Variants in STX4 observed in about 807,000 individuals in gnomAD.
STX4 encodes syntaxin 4.
A neutral mutation model predicts 41.8 loss-of-function variants in STX4; 24 were observed. The ratio of observed to expected loss-of-function variants is 0.57; its 90% confidence interval spans 0.42 to 0.81. The LOEUF (loss-of-function observed/expected upper bound fraction) is 0.81. STX4 is among the 30% of genes least tolerant of loss of function. The probability of loss-of-function intolerance (pLI) is 0.00; values close to 1 mark genes in which losing one functional copy is unlikely to be tolerated. For missense variants in STX4, 316 were observed against 389.9 expected (o/e 0.81, Z 1.60); for synonymous variants, 158 against 156.4 (o/e 1.01, Z -0.08).
chr16:31,034,191 A>T, intron 2 of STX4, 35 bp from the exon 3 acceptor site: 2 of 1,613,864 alleles, frequency 1.2e-6, no homozygotes, highest in Non-Finnish European at 1.7e-6. Flanking sequence ...GGAGTACCCC[A>T]TATCTCTTTC....
chr16:31,034,853 AAAAT>A, intron 4 of STX4, 113 bp from the exon 5 acceptor site: 1 of 996,998 alleles, frequency 1.0e-6, no homozygotes, highest in Non-Finnish European at 1.5e-6. Context: ...AATGCAAAGA[AAAAT>A]AAACTTACTT....
chr16:31,035,016 C>T lies in STX4; in HGVS notation c.354C>T (p.Val118=), dbSNP rs766184941. The change falls in exon 5 of 11, where the codon GTC becomes GTT. Residue 118 remains valine (V), a synonymous_variant. Coordinates refer to ENST00000313843, the MANE Select transcript of STX4 (RefSeq NM_004604.5). ...KEEADENYNS[V]NTRMRKTQHG... is the part of the protein sequence containing the mutation. ...AAGCTGATGAGAACTATAACTCCGT[C>T]AACACAAGAATGAGAAAAACCCAGG... 1.2e-6 allele frequency: 2 copies of T among 1,610,620 alleles called. No homozygotes were observed. Among genetic ancestry groups the T allele is most frequent in the South Asian group, 1.1e-5 (1 of 90,138 alleles).
At chr16:31,037,106 C>T (rs1398743521) in intron 5 of STX4, among the ~76,000 whole-genome samples, 4 of 143,494 alleles carry the variant, frequency 2.8e-5, no homozygotes, top group Non-Finnish European at 6.1e-5. Context: ...CTCTGTTGCC[C>T]AGGCTGGAGT....
Position 31,034,340 on chromosome 16 carries a change from G to C in STX4, c.232+15G>C. On this transcript the variant is annotated intron_variant, in intron 3 of 10. Coordinates refer to ENST00000313843, the MANE Select transcript of STX4 (RefSeq NM_004604.5). ...TCCCGAGGAGAGTGAGTGAAACCCCGGCTGCAGGGCGCATGCTCCGCCCCA... is the reference window on the plus strand; with the variant it reads ...TCCCGAGGAGAGTGAGTGAAACCCCCGCTGCAGGGCGCATGCTCCGCCCCA... The C allele has an allele frequency of 6.2e-7, 1 of 1,613,892 alleles. No homozygotes were observed. The highest frequency in any genetic ancestry group is 8.5e-7 in the Non-Finnish European group (1 of 1,179,884).
Position 31,033,936 on chromosome 16 carries a change from AAGT to A in STX4, c.31-76_31-74del. On this transcript the variant is annotated intron_variant, in intron 1 of 10. Transcript: ENST00000313843. This position sits in a 1 kb window ranked among gnomAD's most constrained non-coding sequence, Gnocchi z 5.5. ...AGGGGTGGCTGATGGCCAGGAAGGA[AAGT>A]CCCGGAAGCCTGTGGGTCCTGCGGG... is the stretch of plus-strand genomic sequence containing the variant. 6.8e-7 allele frequency: 1 copy of A among 1,463,772 alleles called. No homozygotes were observed. The highest frequency in any genetic ancestry group is 1.4e-5 in the South Asian group (1 of 70,724). The allele number at this position is 1,463,772 out of a possible 1,614,324, so 90.7% of individuals were successfully genotyped here. A position where few individuals can be genotyped will look rare whatever the true frequency, so the allele number is the denominator to read the frequency against.
At chr16:31,037,849 T>C in intron 5 of STX4, 77 bp from the exon 6 acceptor site, 1 of 1,455,850 alleles carries the variant, frequency 6.9e-7, no homozygotes, top group Non-Finnish European at 9.6e-7. Flanking sequence ...ATTTGCTCAC[T>C]GTACTATGGG....
chr16:31,038,676 A>G, intron 8 of STX4, 29 bp downstream of exon 8: 1 of 1,611,606 alleles, frequency 6.2e-7, no homozygotes, highest in Non-Finnish European at 8.5e-7. Flanking sequence ...CCCAGACGTG[A>G]GACCAGGCTC....
Position 31,033,844 on chromosome 16 carries a change from C to A in STX4, c.30+9C>A. 6.9e-7 allele frequency: 1 copy of A among 1,452,672 alleles called. No homozygotes were observed. 90.0% of individuals were successfully genotyped at this position (1,452,672 alleles called of 1,614,324 possible). On this transcript the variant is annotated intron_variant, in intron 1 of 10. Coordinates refer to ENST00000313843, the MANE Select transcript of STX4 (RefSeq NM_004604.5). The surrounding 1 kb of genome is among the most constrained non-coding windows in gnomAD (Gnocchi z 5.5). ...CCCACGAGCTGAGACAGGTGAGACGCCAGGGCAGCGGGGATGGGGACGGGC... is the reference window on the plus strand; with the variant it reads ...CCCACGAGCTGAGACAGGTGAGACGACAGGGCAGCGGGGATGGGGACGGGC...
At position 31,034,446 on chromosome 16, in the gene STX4, G is replaced by A; in HGVS notation, c.233-16G>A. On this transcript the variant is annotated splice_polypyrimidine_tract_variant and intron_variant, in intron 3 of 10. Transcript: ENST00000313843. ...TGGGGGCTGCTGTTTGGGAGTCTTG[G>A]CCTTCTCTTATTCAGGCATGAAGCA... The A allele has an allele frequency of 6.3e-7, 1 of 1,599,518 alleles. No individual in the cohort carries two copies. Among genetic ancestry groups the A allele is most frequent in the Admixed American group, 1.7e-5 (1 of 58,842 alleles).
chr16:31,038,142 G>A lies in STX4; in HGVS notation c.516G>A (p.Glu172=). Reference sequence around the variant, plus strand: ...ATGCTGGGATGGTGTCTGATGAGGAGTTGGAGCAGATGCTGGACAGTGGGC... The same window carrying A: ...ATGCTGGGATGGTGTCTGATGAGGAATTGGAGCAGATGCTGGACAGTGGGC... ...ITNAGMVSDE[E]LEQMLDSGQS... is the part of the protein sequence containing the mutation. The change falls in exon 7 of 11, where the codon GAG becomes GAA. Residue 172 remains glutamate, a synonymous_variant. Coordinates refer to ENST00000313843, the MANE Select transcript of STX4 (RefSeq NM_004604.5). 2 of 1,614,176 alleles carry A rather than the reference G, an allele frequency of 1.2e-6. No homozygotes were observed. The highest frequency in any genetic ancestry group is 1.7e-6 in the Non-Finnish European group (2 of 1,180,024).
upstream of STX4, chr16:31,033,210 G>C (rs2056768053): frequency 1.9e-5 from 12 of 630,880 alleles, no homozygotes; most frequent in Admixed American, 2.2e-4. This position sits in a 1 kb window ranked among gnomAD's most constrained non-coding sequence, Gnocchi z 5.5. Flanking sequence ...TGAGAACGGC[G>C]TCCCAGAGAC....
rs369325032 is a variant in STX4, at chr16:31,039,699, C to T, written c.814-24C>T. ...CTGCCCCAGGCACCCTGTGTGACTT[C>T]CCTGACCCCCTCCTCTCCCACAGAA... On this transcript the variant is annotated intron_variant, in intron 9 of 10. Transcript: ENST00000313843. The surrounding 1 kb of genome is among the most constrained non-coding windows in gnomAD (Gnocchi z 4.1). 1.5e-4 allele frequency: 245 copies of T among 1,614,188 alleles called. 4 individuals carry two copies. The South Asian group carries it at 2.0e-3, about 13-fold the overall frequency.
In STX4 at chr16:31,039,882, C is replaced by G; in HGVS notation, c.*16-30C>G. On this transcript the variant is annotated intron_variant, in intron 10 of 10. Coordinates refer to ENST00000313843, the MANE Select transcript of STX4 (RefSeq NM_004604.5). This position sits in a 1 kb window ranked among gnomAD's most constrained non-coding sequence, Gnocchi z 4.1. ...CTGGCCCCAGCCCTCCCTCCTCCCT[C>G]AGACCCTGTTCTCCCTCCTTTCCTT... The G allele has an allele frequency of 6.6e-7, 1 of 1,510,982 alleles. No homozygotes were observed. The highest frequency in any genetic ancestry group is 9.2e-7 in the Non-Finnish European group (1 of 1,089,828). 93.6% of individuals were successfully genotyped at this position (1,510,982 alleles called of 1,614,324 possible).
intron 5 of STX4, among the ~76,000 whole-genome samples, chr16:31,037,671 TAATA>T (rs201361011): frequency 0.01 from 1,498 of 143,560 alleles, 9 homozygotes; most frequent in African/African-American, 0.024. Context: ...AAAAAACAAA[TAATA>T]AATAAATAAA....
intron 3 of STX4, 48 bp downstream of exon 3, chr16:31,034,373 T>TGGG (rs776704151): frequency 2.5e-6 from 4 of 1,612,198 alleles, no homozygotes; most frequent in Non-Finnish European, 3.4e-6. Context: ...CCAGGGATTG[T>TGGG]GGGGGTTGTA....
upstream of STX4, chr16:31,033,493 C>G: frequency 6.4e-7 from 1 of 1,550,544 alleles, no homozygotes; most frequent in Non-Finnish European, 8.7e-7. This position sits in a 1 kb window ranked among gnomAD's most constrained non-coding sequence, Gnocchi z 5.5. Flanking sequence ...TCCACCTTCC[C>G]AGCCTCGGGC....
upstream of STX4, chr16:31,033,352 C>T: frequency 1.2e-6 from 1 of 845,696 alleles, no homozygotes; most frequent in Non-Finnish European, 2.0e-6. This position sits in a 1 kb window ranked among gnomAD's most constrained non-coding sequence, Gnocchi z 5.5. Context: ...TCTCGGATTA[C>T]GTACAAATGA....
upstream of STX4, chr16:31,033,352 C>A (rs1373891736): frequency 4.7e-6 from 4 of 845,698 alleles, no homozygotes; most frequent in South Asian, 4.3e-5. This position sits in a 1 kb window ranked among gnomAD's most constrained non-coding sequence, Gnocchi z 5.5. Context: ...TCTCGGATTA[C>A]GTACAAATGA....
intron 7 of STX4, 47 bp downstream of exon 7, chr16:31,038,237 C>G: frequency 1.2e-6 from 2 of 1,608,374 alleles, no homozygotes; most frequent in Non-Finnish European, 1.7e-6. Flanking sequence ...CCCATCCCCT[C>G]TGAGTCCTGT....
Sources: allele counts gnomAD v4.1 joint callset (sites outside exome capture counted in the v4.1 genomes callset), GRCh38; gene constraint gnomAD v4.1.1; non-coding constraint Gnocchi (gnomAD v3.1); transcripts MANE v1.5; gene names NCBI Gene and HGNC (gene_info 2026-07-23, HGNC 2026-07-21).